LINGO2: variants seen among roughly 807,000 people sequenced by gnomAD.
The protein encoded by LINGO2 is leucine-rich repeat and immunoglobulin-like domain-containing nogo receptor-interacting protein 2.
In LINGO2, 14 loss-of-function variants were observed where a neutral mutation model predicts 30.6. The ratio of observed to expected loss-of-function variants is 0.46; its 90% CI spans 0.30 to 0.72. LINGO2 has a LOEUF of 0.72. LINGO2 is among the 30% of genes least tolerant of loss of function. The pLI is 0.07. For missense variants in LINGO2, 729 were observed against 751.7 expected (o/e 0.97, Z 0.35); for synonymous variants, 317 against 288.5 (o/e 1.10, Z -1.00).
chr9:29,103,869 G>A, the LINGO2 span, among the ~76,000 whole-genome samples: 1 of 152,104 alleles, frequency 6.6e-6, no homozygotes, highest in Non-Finnish European at 1.5e-5. Flanking sequence ...GAAAATTATG[G>A]AACAAGAATT....
chr9:28,345,898 C>T (rs566917991), intron 3 of LINGO2, among the ~76,000 whole-genome samples: 2 of 152,274 alleles, frequency 1.3e-5, no homozygotes, highest in South Asian at 4.1e-4. Context: ...ACAACACCCA[C>T]ATAATGTATC....
chr9:29,043,534 T>C, the LINGO2 span, among the ~76,000 whole-genome samples: 4 of 151,982 alleles, frequency 2.6e-5, no homozygotes, highest in Non-Finnish European at 5.9e-5. Flanking sequence ...AGTTCTAACA[T>C]GTATGTGTTG....
At chr9:28,163,035 G>A (rs1464791902) in intron 4 of LINGO2, among the ~76,000 whole-genome samples, 2 of 152,088 alleles carry the variant, frequency 1.3e-5, no homozygotes, top group East Asian at 1.9e-4. Flanking sequence ...AGATTGAGAA[G>A]TGTGGATTTT....
At chr9:28,551,405 T>C (rs752626876) in intron 1 of LINGO2, among the ~76,000 whole-genome samples, 37 of 151,946 alleles carry the variant, frequency 2.4e-4, no homozygotes, top group Non-Finnish European at 5.0e-4. Context: ...TATCTAAAGA[T>C]ATATAAAGTT....
At chr9:29,186,953 C>T in the LINGO2 span, among the ~76,000 whole-genome samples, 4 of 152,190 alleles carry the variant, frequency 2.6e-5, no homozygotes, top group South Asian at 2.1e-4. Flanking sequence ...CAATTTTAAA[C>T]GGTTTTCATA....
the LINGO2 span, among the ~76,000 whole-genome samples, chr9:28,744,721 C>G: frequency 8.6e-5 from 13 of 150,718 alleles, no homozygotes; most frequent in Middle Eastern, 3.4e-3. Flanking sequence ...ACTGCAACCT[C>G]TGCCTCCTGG....
Position 28,486,045 on chromosome 9 carries a change from T to C in LINGO2, c.-364-10020A>G, listed in dbSNP as rs1826151911. On this transcript the variant is annotated intron_variant, in intron 1 of 5. Coordinates refer to ENST00000379992, the Ensembl canonical transcript of LINGO2. ...GACACAGCTTGGAATGACTAACTTTTTGGTAGGAGAAAAGGCACATACTCT... is the reference window on the plus strand; with the variant it reads ...GACACAGCTTGGAATGACTAACTTTCTGGTAGGAGAAAAGGCACATACTCT... Among the ~76,000 whole-genome samples the C allele has an allele frequency of 2.0e-5, 3 of 152,066 alleles. No individual in the cohort carries two copies. In the South Asian group the frequency reaches 6.2e-4, roughly 31 times the overall value.
intron 1 of LINGO2, among the ~76,000 whole-genome samples, chr9:28,598,035 G>A (rs1825274508): frequency 1.3e-5 from 2 of 152,116 alleles, no homozygotes; most frequent in Non-Finnish European, 2.9e-5. Flanking sequence ...AAAGTGCTGG[G>A]ATTGCAGGTG....
At chr9:28,156,998 C>T (rs1054774598) in intron 4 of LINGO2, among the ~76,000 whole-genome samples, 2 of 152,142 alleles carry the variant, frequency 1.3e-5, no homozygotes, top group African/African-American at 2.4e-5. Flanking sequence ...TTTCCAGGTG[C>T]GTGGTGCAAA....
At chr9:28,190,276 C>T (rs1338912896) in intron 4 of LINGO2, among the ~76,000 whole-genome samples, 2 of 152,010 alleles carry the variant, frequency 1.3e-5, no homozygotes, top group South Asian at 2.1e-4. Context: ...ATTTTTTTCT[C>T]GGAAGAAGTT....
At chr9:28,739,141 C>T in the LINGO2 span, among the ~76,000 whole-genome samples, 1 of 151,878 alleles carries the variant, frequency 6.6e-6, no homozygotes, top group Non-Finnish European at 1.5e-5. Flanking sequence ...GATAATACAT[C>T]CTTTCATTAT....
At chr9:28,314,841 C>T (rs945363362) in intron 3 of LINGO2, among the ~76,000 whole-genome samples, 25 of 151,482 alleles carry the variant, frequency 1.7e-4, no homozygotes, top group Non-Finnish European at 2.9e-4. Context: ...AAAAATTAGC[C>T]GGGCGTGGTG....
At chr9:28,071,615 C>T (rs1043184690) in intron 4 of LINGO2, among the ~76,000 whole-genome samples, 10 of 150,498 alleles carry the variant, frequency 6.6e-5, no homozygotes, top group African/African-American at 2.2e-4. Flanking sequence ...GTGACAAGGG[C>T]CCCTAAAAAC....
intron 5 of LINGO2, among the ~76,000 whole-genome samples, chr9:27,998,575 TC>T (rs1304873105): frequency 6.6e-6 from 1 of 152,150 alleles, no homozygotes; most frequent in Non-Finnish European, 1.5e-5. Flanking sequence ...GGCCAGGAAT[TC>T]GAGACCAGCC....
At chr9:28,877,267 T>A in the LINGO2 span, among the ~76,000 whole-genome samples, 1 of 152,012 alleles carries the variant, frequency 6.6e-6, no homozygotes, top group African/African-American at 2.4e-5. Context: ...TAGATCCCAT[T>A]TGTCAATTTT....
upstream of LINGO2, among the ~76,000 whole-genome samples, chr9:28,673,268 C>A (rs1470985478): frequency 6.6e-6 from 1 of 151,990 alleles, no homozygotes; most frequent in Non-Finnish European, 1.5e-5. Flanking sequence ...ATGATAACAC[C>A]AGATGAGAAG....
At position 28,564,801 on chromosome 9, in the gene LINGO2, T is replaced by G. The variant is rs79997781; in HGVS notation, c.-364-88776A>C. Among the ~76,000 whole-genome samples, 220 of 152,228 alleles carry G rather than the reference T, an allele frequency of 1.4e-3. 1 individual carries two copies. Among genetic ancestry groups the G allele is most frequent in the Middle Eastern group, 6.8e-3 (2 of 294 alleles). On this transcript the variant is annotated intron_variant, in intron 1 of 5. Transcript: ENST00000379992. Reference sequence around the variant, plus strand: ...AAATCAGATAAAATTAAAAATTCAGTTCCTCTACTGCACTAGCCACATTTC... The same window carrying G: ...AAATCAGATAAAATTAAAAATTCAGGTCCTCTACTGCACTAGCCACATTTC...
chr9:28,844,403 G>A, the LINGO2 span, among the ~76,000 whole-genome samples: 1 of 151,716 alleles, frequency 6.6e-6, no homozygotes, highest in African/African-American at 2.4e-5. Context: ...GAAAAGGACA[G>A]AAACAGATGT....
the LINGO2 span, among the ~76,000 whole-genome samples, chr9:28,845,901 T>C: frequency 6.6e-6 from 1 of 151,664 alleles, no homozygotes; most frequent in African/African-American, 2.4e-5. Context: ...AGAGACAATG[T>C]CCCATTGGTG....
Sources: gnomAD v4.1 joint callset for allele counts (sites outside exome capture counted in the v4.1 genomes callset) on GRCh38, gnomAD v4.1.1 for gene constraint, MANE v1.5 for transcripts, NCBI Gene and HGNC (gene_info 2026-07-23, HGNC 2026-07-21) for gene names.